Variants in GNS observed in about 807,000 individuals in gnomAD.
GNS encodes the protein N-acetylglucosamine-6-sulfatase.
In GNS, 40 loss-of-function variants were observed where a neutral mutation model predicts 69.7. That is an observed-to-expected ratio of 0.57 (90% CI 0.45 to 0.75). The LOEUF (loss-of-function observed/expected upper bound fraction) is 0.75, where lower values mean the gene tolerates loss of function less well. Ranked by LOEUF, GNS falls within the 30% of genes least tolerant of loss-of-function variation. The pLI is 0.00. For missense variants in GNS, 565 were observed against 685.5 expected (o/e 0.82, Z 1.96); for synonymous variants, 243 against 251.6 (o/e 0.97, Z 0.32).
intron 12 of GNS, among the ~76,000 whole-genome samples, chr12:64,721,352 T>C (rs1475166997): frequency 1.3e-5 from 2 of 152,176 alleles, no homozygotes; most frequent in African/African-American, 4.8e-5. Flanking sequence ...AAAACGTGAA[T>C]TGTGCATTTA....
At chr12:64,732,314 C>T (rs1306997816) in intron 9 of GNS, among the ~76,000 whole-genome samples, 1 of 151,394 alleles carries the variant, frequency 6.6e-6, no homozygotes, top group Admixed American at 6.6e-5. Flanking sequence ...ACTACAGGCG[C>T]CTGCCACCAC....
rs781199248 is a variant in GNS at position 64,743,177 on chromosome 12, A to G, written c.756T>C (p.Phe252=). The part of the protein sequence containing the change: ...PQYQKAFQNV[F]APRNKNFNIH... The stretch of plus-strand genomic sequence containing the variant: ...TGTTGAAGTTCTTGTTTCTTGGTGC[A>G]AAGACATTCTGGAAAGCCTTCTGGT... The change falls in exon 6 of 14, where the codon TTT becomes TTC. Residue 252 remains phenylalanine, a synonymous_variant. Coordinates refer to ENST00000258145, the MANE Select transcript of GNS (RefSeq NM_002076.4). 6.2e-7 allele frequency: 1 copy of G among 1,613,798 alleles called. No individual in the cohort carries two copies. The highest frequency in any genetic ancestry group is 1.1e-5 in the South Asian group (1 of 91,074).
intron 10 of GNS, 140 bp from the exon 11 acceptor site, chr12:64,723,253 A>G (rs771995060): frequency 1.5e-6 from 1 of 683,306 alleles, no homozygotes. Context: ...TGACTAAAAC[A>G]GGTACATATG....
intron 1 of GNS, chr12:64,756,755 GA>G: frequency 2.0e-6 from 3 of 1,490,258 alleles, no homozygotes; most frequent in Non-Finnish European, 2.7e-6. Context: ...AGAATATTCT[GA>G]AAAAGCCTAG....
chr12:64,734,990 A>G (rs1160354237), intron 9 of GNS, among the ~76,000 whole-genome samples: 1 of 152,178 alleles, frequency 6.6e-6, no homozygotes, highest in African/African-American at 2.4e-5. Flanking sequence ...AGGTACCTAT[A>G]GTCCTAGCTA....
At chr12:64,745,759 C>T (rs757940973) in intron 3 of GNS, 35 bp from the exon 4 acceptor site, 1 of 1,314,334 alleles carries the variant, frequency 7.6e-7, no homozygotes. Flanking sequence ...AATTACAAGT[C>T]CTTAGATATG....
At chr12:64,718,024 C>T (rs1362448279) in intron 13 of GNS, among the ~76,000 whole-genome samples, 1 of 152,208 alleles carries the variant, frequency 6.6e-6, no homozygotes, top group Non-Finnish European at 1.5e-5. Flanking sequence ...AACCATTCTC[C>T]TTTGCTGCTG....
At chr12:64,721,087 AG>A (rs1310399825) in intron 12 of GNS, among the ~76,000 whole-genome samples, 27 of 152,354 alleles carry the variant, frequency 1.8e-4, no homozygotes, top group African/African-American at 6.3e-4. Flanking sequence ...GCTGATAAAC[AG>A]TAAGAAACCA....
rs1169728378 is a variant in GNS, at chr12:64,714,802, T to TTAA, written c.*1936_*1938dup. On this transcript the variant is annotated 3_prime_UTR_variant, in exon 14 of 14. Coordinates refer to ENST00000258145, the MANE Select transcript of GNS (RefSeq NM_002076.4). ...TTAATGTGGAAGTTGACTGATAATG[T>TTAA]TAAGAGTCAAAGTGAAAAAGAAAGC... 2.6e-5 allele frequency: 4 copies of TTAA among 152,514 alleles called. No individual in the cohort carries two copies. The highest frequency in any genetic ancestry group is 5.9e-5 in the Non-Finnish European group (4 of 68,036). 9.4% of individuals were successfully genotyped at this position (152,514 alleles called of 1,614,324 possible).
intron 2 of GNS, among the ~76,000 whole-genome samples, chr12:64,751,219 AATGAG>A (rs1356219241): frequency 6.6e-6 from 1 of 152,168 alleles, no homozygotes; most frequent in African/African-American, 2.4e-5. Flanking sequence ...AATAATTATG[AATGAG>A]ATATTTTGTC....
chr12:64,724,233 T>C (rs1184586852), intron 10 of GNS, among the ~76,000 whole-genome samples: 1 of 152,230 alleles, frequency 6.6e-6, no homozygotes, highest in Non-Finnish European at 1.5e-5. Flanking sequence ...TCTTAAAATG[T>C]GGTTCCCAGG....
At chr12:64,750,734 C>T (rs955891646) in intron 2 of GNS, among the ~76,000 whole-genome samples, 1 of 151,720 alleles carries the variant, frequency 6.6e-6, no homozygotes, top group Non-Finnish European at 1.5e-5. Flanking sequence ...GAGACCCTGT[C>T]ACTAAAAAAA....
At chr12:64,727,201 G>A (rs1227556760) in intron 10 of GNS, among the ~76,000 whole-genome samples, 2 of 150,840 alleles carry the variant, frequency 1.3e-5, no homozygotes, top group Admixed American at 1.3e-4. Flanking sequence ...TGGAAAACAA[G>A]GGAGGTTCTC....
intron 9 of GNS, among the ~76,000 whole-genome samples, chr12:64,735,307 T>A (rs1869528376): frequency 6.6e-6 from 1 of 152,204 alleles, no homozygotes. Context: ...TTTGGCTACG[T>A]GATCTTCAGC....
chr12:64,724,406 G>A (rs939515202), intron 10 of GNS, among the ~76,000 whole-genome samples: 4 of 152,234 alleles, frequency 2.6e-5, no homozygotes, highest in African/African-American at 9.6e-5. Context: ...GTACAGTGGG[G>A]AATGGGTAAC....
intron 1 of GNS, among the ~76,000 whole-genome samples, chr12:64,753,147 G>A (rs1391342945): frequency 6.6e-6 from 1 of 152,068 alleles, no homozygotes; most frequent in African/African-American, 2.4e-5. Flanking sequence ...GACAACAGTT[G>A]GATTCTGAAA....
chr12:64,743,140 C>T lies in GNS; in HGVS notation c.792+1G>A. 6.2e-7 allele frequency: 1 copy of T among 1,608,098 alleles called. No homozygotes were observed. Among genetic ancestry groups the T allele is most frequent in the Non-Finnish European group, 8.5e-7 (1 of 1,174,700 alleles). On this transcript the variant is annotated splice_donor_variant, in intron 6 of 13. Transcript: ENST00000258145. LOFTEE classifies it high-confidence loss of function. ...TGAATACAAGTGGTGGGGGAAGCTA[C>T]CGTTCCATGGATGTTGAAGTTCTTG...
chr12:64,747,883 G>A lies in GNS; in HGVS notation c.288C>T (p.Ala96=). The A allele has an allele frequency of 6.2e-7, 1 of 1,610,594 alleles. No individual in the cohort carries two copies. Among genetic ancestry groups the A allele is most frequent in the Non-Finnish European group, 8.5e-7 (1 of 1,176,838 alleles). The part of the protein sequence containing the change: ...VPSALCCPSR[A]SILTGKYPHN... ...GTGGGTACTTTCCTGTCAGGATACT[G>A]GCTCTGCTGGGGCAGCAGAGAGCAC... The change falls in exon 3 of 14, where the codon GCC becomes GCT. Residue 96 remains alanine (A), a synonymous_variant. Coordinates refer to ENST00000258145, the MANE Select transcript of GNS (RefSeq NM_002076.4).
intron 10 of GNS, among the ~76,000 whole-genome samples, chr12:64,728,569 G>A (rs1455333609): frequency 1.3e-5 from 2 of 152,218 alleles, no homozygotes; most frequent in Admixed American, 6.5e-5. Flanking sequence ...TAGCACTGAA[G>A]TAATCTTTTT....
Sources: allele counts gnomAD v4.1 joint callset (sites outside exome capture counted in the v4.1 genomes callset), GRCh38; gene constraint gnomAD v4.1.1; transcripts MANE v1.5; gene names NCBI Gene and HGNC (gene_info 2026-07-23, HGNC 2026-07-21).